DKK3: variants seen among roughly 807,000 people sequenced by gnomAD.
DKK3 encodes the protein dickkopf-related protein 3.
DKK3 carries 22 observed loss-of-function variants against 33.2 expected under a neutral mutation model. The ratio of observed to expected loss-of-function variants is 0.66; its 90% CI spans 0.47 to 0.95. DKK3 has a LOEUF of 0.95. Among genes scored for constraint, DKK3 ranks in the 40% least tolerant of loss-of-function variants. The pLI is 0.00. For missense variants in DKK3, 398 were observed against 458.4 expected, an observed-to-expected ratio of 0.87 and a Z score of 1.20; for synonymous variants, 194 against 188.8, an observed-to-expected ratio of 1.03 and a Z score of -0.23.
At chr11:12,009,399 G>A (rs1454389863), upstream of DKK3, 8 of 898,910 alleles carry the variant, frequency 8.9e-6, no homozygotes, top group Non-Finnish European at 7.6e-6. Flanking sequence ...CGCCCACCAG[G>A]CCCACCCCGC....
At chr11:11,992,526 T>C (rs189629122) in intron 3 of DKK3, among the ~76,000 whole-genome samples, 7 of 152,288 alleles carry the variant, frequency 4.6e-5, no homozygotes, top group Admixed American at 3.3e-4. Context: ...CACATAGACA[T>C]TGAGCACTCA....
chr11:12,009,619 G>GA, upstream of DKK3: 2 of 985,822 alleles, frequency 2.0e-6, no homozygotes, highest in South Asian at 4.7e-5. Context: ...GGGGTAGGGG[G>GA]AATGTTCCTC....
rs769254325 is a variant in DKK3, at chr11:11,965,932, A to C, written c.707T>G (p.Val236Gly). The change falls in exon 6 of 7, where the codon GTG becomes GGG. Residue 236 changes from valine (V) to glycine (G), a missense_variant. Coordinates refer to ENST00000683431, the MANE Select transcript of DKK3 (RefSeq NM_001018057.2). ...LLFPVCTPLP[V>G]EGELCHDPAS... ...GGGGTCATGGCAAAGCTCGCCCTCC[A>C]CGGGCAGGGGTGTGCACACAGGGAA... is the stretch of plus-strand genomic sequence containing the variant. 4 of 1,613,664 alleles carry C rather than the reference A, an allele frequency of 2.5e-6. No homozygotes were observed. In the Admixed American group the frequency reaches 6.7e-5, roughly 27 times the overall value.
At chr11:11,969,067 G>C (rs1847667522) in intron 3 of DKK3, among the ~76,000 whole-genome samples, 1 of 152,304 alleles carries the variant, frequency 6.6e-6, no homozygotes, top group East Asian at 1.9e-4. Flanking sequence ...CTGGACTCCA[G>C]CCCTCCCAGC....
chr11:11,966,019 C>T lies in DKK3; in HGVS notation c.674-54G>A. 1.9e-6 allele frequency: 3 copies of T among 1,543,406 alleles called. No homozygotes were observed. In the South Asian group the frequency reaches 3.6e-5, roughly 18 times the overall value. On this transcript the variant is annotated intron_variant, in intron 5 of 6. Coordinates refer to ENST00000683431, the MANE Select transcript of DKK3 (RefSeq NM_001018057.2). The stretch of plus-strand genomic sequence containing the variant: ...TGCCCCGTGTAGGGTAGAAGGGCTC[C>T]AAAGGGAGGGGCAAAGAAATGGAGC...
intron 3 of DKK3, among the ~76,000 whole-genome samples, chr11:11,992,572 C>G (rs1169226642): frequency 1.3e-5 from 2 of 152,180 alleles, no homozygotes; most frequent in Non-Finnish European, 2.9e-5. Flanking sequence ...TCCCTAATCA[C>G]CTCACACTGG....
intron 6 of DKK3, 49 bp from the exon 7 acceptor site, chr11:11,964,735 A>G (rs891366151): frequency 1.0e-5 from 16 of 1,577,402 alleles, no homozygotes; most frequent in Non-Finnish European, 1.4e-5. Flanking sequence ...GAGCCTGCCC[A>G]GGCCGAAAGC....
At chr11:11,990,693 C>G (rs1039436209) in intron 3 of DKK3, among the ~76,000 whole-genome samples, 16 of 152,216 alleles carry the variant, frequency 1.1e-4, no homozygotes, top group African/African-American at 3.9e-4. Flanking sequence ...TGCTGCTCCC[C>G]CACGCACATC....
At chr11:11,998,561 G>C (rs1304310321) in intron 3 of DKK3, 135 bp downstream of exon 3, 2 of 775,448 alleles carry the variant, frequency 2.6e-6, no homozygotes, top group African/African-American at 3.5e-5. Flanking sequence ...TAGGAATTGA[G>C]GAATCTCGGT....
intron 3 of DKK3, among the ~76,000 whole-genome samples, chr11:11,989,618 C>T (rs1848146522): frequency 6.6e-6 from 1 of 152,140 alleles, no homozygotes; most frequent in African/African-American, 2.4e-5. Flanking sequence ...GGTATAGCAT[C>T]TCTGATTTGC....
intron 1 of DKK3, among the ~76,000 whole-genome samples, chr11:12,005,651 G>A (rs1848522556): frequency 6.6e-6 from 1 of 152,180 alleles, no homozygotes; most frequent in African/African-American, 2.4e-5. Context: ...GATTCAGCTG[G>A]AACATTGAAA....
chr11:11,998,718 T>A lies in DKK3; in HGVS notation c.413A>T (p.Asp138Val), dbSNP rs1448776822. 4 of 1,614,188 alleles carry A rather than the reference T, an allele frequency of 2.5e-6. No homozygotes were observed. The South Asian group carries it at 4.4e-5, about 18-fold the overall frequency. ...TACGTGGCTCCTTCTGCCTTCTTCGTCTCCCACAGATGTGATAACTGTCTC... is the reference window on the plus strand; with the variant it reads ...TACGTGGCTCCTTCTGCCTTCTTCGACTCCCACAGATGTGATAACTGTCTC... ...FSETVITSVG[D>V]EEGRRSHECI... Residue 138 changes from aspartate to valine, a missense_variant, in exon 3 of 7, where the codon GAC becomes GTC. Coordinates refer to ENST00000683431, the MANE Select transcript of DKK3 (RefSeq NM_001018057.2).
intron 3 of DKK3, among the ~76,000 whole-genome samples, chr11:11,972,752 T>C (rs1298516468): frequency 6.6e-6 from 1 of 152,236 alleles, no homozygotes; most frequent in African/African-American, 2.4e-5. Flanking sequence ...TGCTCTTAGC[T>C]GTGCTCAAGG....
intron 1 of DKK3, among the ~76,000 whole-genome samples, chr11:12,003,095 G>T (rs925179005): frequency 1.3e-5 from 2 of 152,366 alleles, no homozygotes; most frequent in African/African-American, 4.8e-5. Flanking sequence ...CCTGCTTGCA[G>T]GCATACCGTT....
intron 3 of DKK3, among the ~76,000 whole-genome samples, chr11:11,971,316 G>A (rs140626216): frequency 6.6e-6 from 1 of 152,176 alleles, no homozygotes; most frequent in East Asian, 1.9e-4. Flanking sequence ...TTTGCATAAT[G>A]ATTTCTAAAA....
chr11:11,964,852 G>T (rs1590492689), intron 6 of DKK3, 166 bp from the exon 7 acceptor site: 1 of 1,390,646 alleles, frequency 7.2e-7, no homozygotes, highest in Non-Finnish European at 9.5e-7. Context: ...ATCTTAAAAT[G>T]ATGGCTGAGG....
At chr11:11,970,097 G>A (rs748557750) in intron 3 of DKK3, among the ~76,000 whole-genome samples, 20 of 152,124 alleles carry the variant, frequency 1.3e-4, no homozygotes, top group Non-Finnish European at 2.1e-4. Flanking sequence ...GAAGCCTCCC[G>A]ACGTTCTTTC....
chr11:12,009,032 C>T, upstream of DKK3: 1 of 990,036 alleles, frequency 1.0e-6, no homozygotes, highest in South Asian at 4.7e-5. Flanking sequence ...CCTCTCTCAG[C>T]CCCTACCTGG....
rs1458943325 is a variant in DKK3 at position 12,002,220 on chromosome 11, A to G, written c.351+80T>C. ...AGTTTGGGCTTGTATATCACATATG[A>G]AAAAACAAAAACAAAAAAACCTTAG... On this transcript the variant is annotated intron_variant, in intron 2 of 6. Coordinates refer to ENST00000683431, the MANE Select transcript of DKK3 (RefSeq NM_001018057.2). 4 of 1,468,022 alleles carry G rather than the reference A, an allele frequency of 2.7e-6. No homozygotes were observed. In the African/African-American group the frequency reaches 5.6e-5, roughly 21 times the overall value. 90.9% of individuals were successfully genotyped at this position (1,468,022 alleles called of 1,614,324 possible).
Sources: gnomAD v4.1 joint callset for allele counts (sites outside exome capture counted in the v4.1 genomes callset) on GRCh38, gnomAD v4.1.1 for gene constraint, MANE v1.5 for transcripts, NCBI Gene and HGNC (gene_info 2026-07-23, HGNC 2026-07-21) for gene names.